FAAP20: variants seen among roughly 807,000 people sequenced by gnomAD.
FAAP20 encodes the protein FA core complex associated protein 20.
A neutral mutation model predicts 16.2 loss-of-function variants in FAAP20; 12 were observed. The ratio of observed to expected loss-of-function variants is 0.74; its 90% CI spans 0.48 to 1.20. The LOEUF (loss-of-function observed/expected upper bound fraction) is 1.20. Among genes scored for constraint, FAAP20 ranks in the 50% most tolerant of loss-of-function variants. The pLI is 0.00. For synonymous variants in FAAP20, 141 were observed against 110.7 expected (o/e 1.27, Z -1.72); for missense variants, 288 against 245.8 (o/e 1.17, Z -1.15).
At chr1:2,205,521 G>A (rs1689226750) in intron 3 of FAAP20, among the ~76,000 whole-genome samples, 1 of 152,008 alleles carries the variant, frequency 6.6e-6, no homozygotes, top group Non-Finnish European at 1.5e-5. Context: ...CTTCCGGGGC[G>A]GCCGTGCAAG....
At chr1:2,205,716 C>T (rs1689234529) in intron 3 of FAAP20, among the ~76,000 whole-genome samples, 1 of 152,220 alleles carries the variant, frequency 6.6e-6, no homozygotes, top group African/African-American at 2.4e-5. Flanking sequence ...TGCGGGTGCC[C>T]CCGCTGCGCC....
At chr1:2,203,393 C>T (rs1224903439), upstream of FAAP20, 1 of 985,306 alleles carries the variant, frequency 1.0e-6, no homozygotes, top group African/African-American at 1.7e-5. Context: ...CTGCCCTGCC[C>T]AGGCCTGGGC....
At chr1:2,196,249 AC>A (rs1688818623), upstream of FAAP20, among the ~76,000 whole-genome samples, 1 of 152,126 alleles carries the variant, frequency 6.6e-6, no homozygotes, top group South Asian at 2.1e-4. This position sits in a 1 kb window ranked among gnomAD's most constrained non-coding sequence, Gnocchi z 4.5. Context: ...TTCCAGGAAG[AC>A]TGGTCCCAGC....
chr1:2,201,291 C>T (rs566432116), upstream of FAAP20: 300 of 1,119,790 alleles, frequency 2.7e-4, 1 homozygote, highest in Middle Eastern at 5.0e-3. Context: ...GTCAGGGACA[C>T]GCACGGTGAG....
intron 1 of FAAP20, 62 bp downstream of exon 1, chr1:2,194,626 G>T: frequency 1.0e-6 from 1 of 955,268 alleles, no homozygotes; most frequent in Non-Finnish European, 1.3e-6. Flanking sequence ...GCCCGCGGGG[G>T]CGCCGGGAAG....
intron 3 of FAAP20, chr1:2,193,392 C>G: frequency 1.6e-6 from 1 of 607,664 alleles, no homozygotes; most frequent in Non-Finnish European, 2.7e-6. Context: ...TGCTCCCAGC[C>G]TTCCTTCTGT....
chr1:2,211,262 TC>T (rs1436923597), downstream of FAAP20, among the ~76,000 whole-genome samples: 2 of 137,630 alleles, frequency 1.5e-5, no homozygotes, highest in African/African-American at 5.4e-5. Flanking sequence ...GGAGTTTCGC[TC>T]TTGTTGCCCT....
chr1:2,198,756 G>A, upstream of FAAP20: 1 of 1,287,342 alleles, frequency 7.8e-7, no homozygotes, highest in South Asian at 1.2e-5. Flanking sequence ...GTGCTCACCT[G>A]CTGGCAAGGA....
downstream of FAAP20, among the ~76,000 whole-genome samples, chr1:2,189,026 A>AAC (rs1031746824): frequency 6.9e-6 from 1 of 144,850 alleles, no homozygotes; most frequent in African/African-American, 2.6e-5. Context: ...AAAAAAAAAA[A>AAC]AACAAAAAGA....
chr1:2,200,814 G>A, upstream of FAAP20: 1 of 1,014,496 alleles, frequency 9.9e-7, no homozygotes, highest in Admixed American at 5.6e-5. Context: ...GCTGGAAGGG[G>A]GCCCTTGGAG....
downstream of FAAP20, among the ~76,000 whole-genome samples, chr1:2,211,605 G>A (rs1449588772): frequency 2.0e-5 from 3 of 149,666 alleles, no homozygotes; most frequent in Non-Finnish European, 4.4e-5. Flanking sequence ...CCGCCACCAC[G>A]CCCGGCTAAT....
At chr1:2,189,338 A>C (rs537878205), downstream of FAAP20, among the ~76,000 whole-genome samples, 1 of 151,098 alleles carries the variant, frequency 6.6e-6, no homozygotes, top group South Asian at 2.1e-4. Context: ...TCTCAAAAAA[A>C]AAAAAACAAA....
downstream of FAAP20, among the ~76,000 whole-genome samples, chr1:2,189,369 T>A (rs1418231947): frequency 6.7e-6 from 1 of 149,558 alleles, no homozygotes; most frequent in Non-Finnish European, 1.5e-5. Flanking sequence ...TGACTGCACA[T>A]GAGCTAACCA....
intron 3 of FAAP20, chr1:2,192,909 G>C: frequency 1.6e-6 from 2 of 1,270,890 alleles, no homozygotes; most frequent in Non-Finnish European, 2.1e-6. Flanking sequence ...CTTTTCTTTT[G>C]TTGTTGTTGT....
upstream of FAAP20, among the ~76,000 whole-genome samples, chr1:2,195,040 CG>C (rs1688750020): frequency 6.6e-6 from 1 of 151,924 alleles, no homozygotes; most frequent in Admixed American, 6.5e-5. Context: ...TCCGTTACCC[CG>C]ATGGCTGCCC....
chr1:2,199,078 C>T, upstream of FAAP20: 4 of 1,195,316 alleles, frequency 3.3e-6, no homozygotes, highest in Non-Finnish European at 4.2e-6. The surrounding 1 kb of genome is among the most constrained non-coding windows in gnomAD (Gnocchi z 4.5). Flanking sequence ...ACAGGCCTGC[C>T]CCTGACCCCA....
upstream of FAAP20, chr1:2,198,519 A>C: frequency 1.9e-6 from 1 of 520,534 alleles, no homozygotes; most frequent in South Asian, 2.0e-5. Context: ...AGAGTCACCC[A>C]AATGTTCATC....
chr1:2,184,893 C>T (rs548638364), downstream of FAAP20: 1 of 1,592,038 alleles, frequency 6.3e-7, no homozygotes, highest in South Asian at 1.1e-5. Context: ...CACGGTCACC[C>T]CCCTCCCCCC....
chr1:2,184,592 A>C, downstream of FAAP20: 2 of 1,613,744 alleles, frequency 1.2e-6, no homozygotes, highest in Non-Finnish European at 1.7e-6. Flanking sequence ...GCTGGAGAAG[A>C]AGCAGGCGCT....
Sources: gnomAD v4.1 joint callset for allele counts (sites outside exome capture counted in the v4.1 genomes callset) on GRCh38, gnomAD v4.1.1 for gene constraint, Gnocchi (gnomAD v3.1) non-coding constraint, MANE v1.5 for transcripts, NCBI Gene and HGNC (gene_info 2026-07-23, HGNC 2026-07-21) for gene names.